Variants in PEAK1 observed in about 807,000 individuals in gnomAD.
PEAK1 encodes the protein inactive tyrosine-protein kinase PEAK1.
In PEAK1, 54 loss-of-function variants were observed where a neutral mutation model predicts 124.7. The ratio of observed to expected loss-of-function variants is 0.43; its 90% CI spans 0.35 to 0.54. PEAK1 has a LOEUF of 0.54. Among genes scored for constraint, PEAK1 ranks in the 20% least tolerant of loss-of-function variants. PEAK1 has a pLI of 0.01. For synonymous variants in PEAK1, 719 were observed against 760.0 expected, an observed-to-expected ratio of 0.95 and a Z score of 0.89; for missense variants, 2,046 against 2,134.5, an observed-to-expected ratio of 0.96 and a Z score of 0.82.
chr15:77,168,378 TG>T (rs1361019483), intron 7 of PEAK1, among the ~76,000 whole-genome samples: 1 of 152,198 alleles, frequency 6.6e-6, no homozygotes, highest in African/African-American at 2.4e-5. Context: ...TCTGATATTA[TG>T]GCTTACCAGG....
intron 6 of PEAK1, among the ~76,000 whole-genome samples, chr15:77,237,315 T>C (rs2060165651): frequency 6.6e-6 from 1 of 152,168 alleles, no homozygotes; most frequent in Admixed American, 6.5e-5. Flanking sequence ...AAATTTCTTC[T>C]GAGTAAATTT....
chr15:77,243,673 A>C (rs1219182011), intron 6 of PEAK1, among the ~76,000 whole-genome samples: 1 of 152,248 alleles, frequency 6.6e-6, no homozygotes, highest in Non-Finnish European at 1.5e-5. Context: ...AATGTGTATT[A>C]GAAACCCACA....
At chr15:77,289,419 G>C (rs1401917036) in intron 2 of PEAK1, among the ~76,000 whole-genome samples, 1 of 152,182 alleles carries the variant, frequency 6.6e-6, no homozygotes, top group Non-Finnish European at 1.5e-5. Flanking sequence ...TAGAACATTA[G>C]GTTGCTCCAA....
chr15:77,353,195 C>G (rs1296799822), intron 2 of PEAK1, among the ~76,000 whole-genome samples: 1 of 152,190 alleles, frequency 6.6e-6, no homozygotes, highest in Non-Finnish European at 1.5e-5. Flanking sequence ...GTATGCTAAA[C>G]AAGACACTTG....
intron 1 of PEAK1, chr15:77,402,168 G>GGAAAAAAAA (rs1555502798): frequency 1.5e-6 from 1 of 688,952 alleles, no homozygotes; most frequent in African/African-American, 2.1e-5. Context: ...CTCCACCTCG[G>GGAAAAAAAA]AAAAAAAAAA....
intron 1 of PEAK1, chr15:77,402,249 A>G: frequency 3.6e-5 from 35 of 984,762 alleles, no homozygotes; most frequent in Non-Finnish European, 4.2e-5. Context: ...TTCAGAATGG[A>G]ACAGAAACAA....
intron 2 of PEAK1, among the ~76,000 whole-genome samples, chr15:77,354,963 T>C (rs1374587059): frequency 1.3e-5 from 2 of 151,190 alleles, no homozygotes; most frequent in Non-Finnish European, 2.9e-5. Flanking sequence ...GGCGTGAACC[T>C]GGGAGGCGGA....
intron 1 of PEAK1, among the ~76,000 whole-genome samples, chr15:77,378,450 T>C (rs1449160241): frequency 6.6e-6 from 1 of 152,096 alleles, no homozygotes; most frequent in Non-Finnish European, 1.5e-5. Flanking sequence ...GCCAGGAATC[T>C]TGCTACTTCA....
intron 7 of PEAK1, among the ~76,000 whole-genome samples, chr15:77,176,548 C>T (rs546485762): frequency 7.2e-5 from 11 of 152,288 alleles, no homozygotes; most frequent in African/African-American, 2.6e-4. Context: ...TAACAGCTCT[C>T]TAGATGATTC....
At chr15:77,192,183 T>C (rs1013183243) in intron 6 of PEAK1, among the ~76,000 whole-genome samples, 1 of 152,196 alleles carries the variant, frequency 6.6e-6, no homozygotes, top group African/African-American at 2.4e-5. Context: ...GTGAGAGCAG[T>C]AAAGAAGATG....
intron 7 of PEAK1, chr15:77,178,217 C>T (rs1328066819): frequency 6.5e-6 from 1 of 152,694 alleles, no homozygotes; most frequent in Non-Finnish European, 1.5e-5. Context: ...TCAACTTCTC[C>T]TATTTCACCC....
chr15:77,199,602 C>T (rs1000747157), intron 6 of PEAK1, among the ~76,000 whole-genome samples: 1 of 152,180 alleles, frequency 6.6e-6, no homozygotes. Flanking sequence ...TACATGACTT[C>T]AAGGGATTTA....
chr15:77,158,646 G>A lies in PEAK1; in HGVS notation c.3188C>T (p.Thr1063Ile), dbSNP rs75116016. ...TEDFSPRDPRTVVGKQDGRGC... is the reference protein window; with the variant it reads ...TEDFSPRDPRIVVGKQDGRGC... ...CCTGCCATCTTGCTTCCCAACAACA[G>A]TTCTTGGATCCCGAGGAGAAAAATC... Residue 1063 changes from threonine to isoleucine, a missense_variant, in exon 8 of 10, where the codon ACT becomes ATT. Coordinates refer to ENST00000682557, the MANE Select transcript of PEAK1 (RefSeq NM_001385026.1). 6.2e-7 allele frequency: 1 copy of A among 1,614,152 alleles called. No homozygotes were observed. The highest frequency in any genetic ancestry group is 8.5e-7 in the Non-Finnish European group (1 of 1,179,988).
intron 5 of PEAK1, among the ~76,000 whole-genome samples, chr15:77,270,207 G>T (rs2061957690): frequency 6.6e-6 from 1 of 152,118 alleles, no homozygotes; most frequent in Non-Finnish European, 1.5e-5. Flanking sequence ...CATTCCCTTT[G>T]AAAACTGGCA....
At chr15:77,398,471 A>T (rs1220856977) in intron 1 of PEAK1, among the ~76,000 whole-genome samples, 1 of 152,238 alleles carries the variant, frequency 6.6e-6, no homozygotes, top group East Asian at 1.9e-4. Flanking sequence ...TATGCAAATC[A>T]ATCAATGTGA....
chr15:77,103,406 A>G (rs1298042983), downstream of PEAK1: 1 of 152,220 alleles, frequency 6.6e-6, no homozygotes, highest in Non-Finnish European at 1.5e-5. Flanking sequence ...TGCTGGGATT[A>G]TATGCGTGAG....
At chr15:77,211,172 A>G (rs2058886629) in intron 6 of PEAK1, among the ~76,000 whole-genome samples, 1 of 152,198 alleles carries the variant, frequency 6.6e-6, no homozygotes, top group Non-Finnish European at 1.5e-5. Flanking sequence ...AACAGAGACT[A>G]TGCCCTGTAA....
At chr15:77,311,084 G>C (rs753921153) in intron 2 of PEAK1, among the ~76,000 whole-genome samples, 2 of 152,184 alleles carry the variant, frequency 1.3e-5, no homozygotes, top group African/African-American at 2.4e-5. Flanking sequence ...GATTTCACAA[G>C]TTATTAAAGT....
At chr15:77,256,037 G>A (rs1003542968) in intron 5 of PEAK1, among the ~76,000 whole-genome samples, 3 of 152,270 alleles carry the variant, frequency 2.0e-5, no homozygotes, top group African/African-American at 7.2e-5. Context: ...TGTAGGTGGG[G>A]ATAGCATGAA....
Sources: allele counts gnomAD v4.1 joint callset (sites outside exome capture counted in the v4.1 genomes callset), GRCh38; gene constraint gnomAD v4.1.1; transcripts MANE v1.5; gene names NCBI Gene and HGNC (gene_info 2026-07-23, HGNC 2026-07-21).